The following PLA2G4B variants were observed in gnomAD, a reference collection of about 807,000 sequenced individuals.
The protein encoded by PLA2G4B is phospholipase A2 group IVB.
In PLA2G4B, 122 loss-of-function variants were observed where a neutral mutation model predicts 95.8. The observed-to-expected ratio is 1.27, with a 90% CI of 1.10 to 1.48. PLA2G4B has a LOEUF of 1.48. Ranked by LOEUF, PLA2G4B falls within the 40% of genes most tolerant of loss-of-function variation. The probability of loss-of-function intolerance (pLI) is 0.00; values close to 1 mark genes in which losing one functional copy is unlikely to be tolerated. For missense variants in PLA2G4B, 1,158 were observed against 996.2 expected, an observed-to-expected ratio of 1.16 and a Z score of -2.19; for synonymous variants, 518 against 421.5, an observed-to-expected ratio of 1.23 and a Z score of -2.80.
chr15:41,840,804 G>C lies in PLA2G4B; in HGVS notation c.250G>C (p.Asp84His), dbSNP rs752068370. 2 of 1,614,020 alleles carry C rather than the reference G, an allele frequency of 1.2e-6. No homozygotes were observed. The highest frequency in any genetic ancestry group is 2.2e-5 in the South Asian group (2 of 91,072). Residue 84 changes from aspartate to histidine, a missense_variant, in exon 4 of 20, where the codon GAC (aspartate) becomes CAC (histidine). Coordinates refer to ENST00000458483, the MANE Select transcript of PLA2G4B (RefSeq NM_001114633.2). ...CATGGAACTGAAAGTCTTTGACCAG[G>C]ACCTGGTGACCGGAGATGACCCTGT... ...NVMELKVFDQ[D>H]LVTGDDPVLS... is the part of the protein sequence containing the mutation.
At position 41,845,731 on chromosome 15, in the gene PLA2G4B, A is replaced by G; in HGVS notation, c.1451A>G (p.Gln484Arg). 6.2e-7 allele frequency: 1 copy of G among 1,611,930 alleles called. No homozygotes were observed. Among genetic ancestry groups the G allele is most frequent in the South Asian group, 1.1e-5 (1 of 90,816 alleles). The stretch of plus-strand genomic sequence containing the variant: ...TTTGGCTCCGAGTTCTTTATGGGGC[A>G]GCTGATGAAGAGGCTTCCTGAGTCC... ...ELFGSEFFMG[Q>R]LMKRLPESRI... The change falls in exon 15 of 20, where the codon CAG becomes CGG. Residue 484 changes from glutamine (Q) to arginine (R), a missense_variant. Transcript: ENST00000458483.
In PLA2G4B at chr15:41,847,517, G is replaced by GCCCCTGGTGAGCTGCTGTTCACCTC; in HGVS notation, c.2132_2134+22dup. On this transcript the variant is annotated frameshift_variant, in exon 19 of 20. Transcript: ENST00000458483. LOFTEE classifies it low-confidence loss of function (END_TRUNC). ...CAGCGACTCCTTCCGGGAGTACTCG[G>GCCCCTGGTGAGCTGCTGTTCACCTC]CCCCTGGTGAGCTGCTGTTCACCTC... The GCCCCTGGTGAGCTGCTGTTCACCTC allele has an allele frequency of 6.2e-7, 1 of 1,604,052 alleles. No homozygotes were observed. Among genetic ancestry groups the GCCCCTGGTGAGCTGCTGTTCACCTC allele is most frequent in the Non-Finnish European group, 8.5e-7 (1 of 1,172,776 alleles).
intron 12 of PLA2G4B, 37 bp downstream of exon 12, chr15:41,844,644 G>A: frequency 1.2e-6 from 2 of 1,613,118 alleles, no homozygotes; most frequent in Non-Finnish European, 1.7e-6. Flanking sequence ...ACCCTGTGTG[G>A]CAGGGGGTGC....
rs764570148 is a variant in PLA2G4B at position 41,846,695 on chromosome 15, C to T, written c.1807C>T (p.Gln603Ter). Residue 603 changes from glutamine (Q) to a stop codon, truncating the protein, a stop_gained, in exon 18 of 20, where the codon CAG becomes TAG. Coordinates refer to ENST00000458483, the MANE Select transcript of PLA2G4B (RefSeq NM_001114633.2). LOFTEE classifies it high-confidence loss of function. ...TACCACTCTGGATGGGCTCCCCAACCAGCTGACACCCTCGGAGCCCCACCT... is the reference window on the plus strand; with the variant it reads ...TACCACTCTGGATGGGCTCCCCAACTAGCTGACACCCTCGGAGCCCCACCT... ...KATTLDGLPN[Q>*]LTPSEPHLCL... 2 of 1,612,654 alleles carry T rather than the reference C, an allele frequency of 1.2e-6. No individual in the cohort carries two copies. Among genetic ancestry groups the T allele is most frequent in the Non-Finnish European group, 1.7e-6 (2 of 1,179,048 alleles).
At chr15:41,840,990 C>T in intron 4 of PLA2G4B, 65 bp from the exon 5 acceptor site, 1 of 1,576,296 alleles carries the variant, frequency 6.3e-7, no homozygotes, top group Non-Finnish European at 8.6e-7. Flanking sequence ...GCATGTCTCT[C>T]ATACTCACTG....
chr15:41,840,350 G>A (rs1217265353), intron 2 of PLA2G4B, 120 bp downstream of exon 2: 2 of 1,572,354 alleles, frequency 1.3e-6, no homozygotes, highest in Middle Eastern at 2.2e-4. Flanking sequence ...GCCTAGAGGA[G>A]GGAGCTGAGA....
intron 8 of PLA2G4B, 105 bp from the exon 9 acceptor site, chr15:41,842,088 C>T: frequency 6.4e-7 from 1 of 1,569,312 alleles, no homozygotes; most frequent in Non-Finnish European, 8.7e-7. Context: ...GCCTCCCCTT[C>T]CCGTCCCTCC....
At chr15:41,842,409 G>C (rs1333224606) in intron 9 of PLA2G4B, 133 bp downstream of exon 9, 1 of 1,544,224 alleles carries the variant, frequency 6.5e-7, no homozygotes, top group Non-Finnish European at 8.7e-7. Context: ...TCTTTGGGGA[G>C]TGTCCTCTGA....
At chr15:41,842,075 C>A in intron 8 of PLA2G4B, 118 bp from the exon 9 acceptor site, 1 of 1,562,326 alleles carries the variant, frequency 6.4e-7, no homozygotes, top group East Asian at 2.3e-5. Flanking sequence ...TGGGCCCATG[C>A]TGGCCTCCCC....
rs967989648 is a variant in PLA2G4B, at chr15:41,841,570, G to A, written c.489G>A (p.Lys163=). 1 of 1,614,042 alleles carries A rather than the reference G, an allele frequency of 6.2e-7. No individual in the cohort carries two copies. Reference sequence around the variant, plus strand: ...AACTGGAGGAGACAGGAGACCAGAAGTGTGAGTCCCCAACCCACTGGGACA... The same window carrying A: ...AACTGGAGGAGACAGGAGACCAGAAATGTGAGTCCCCAACCCACTGGGACA... ...HVQLEETGDQ[K]SSEHRVQLVV... is the part of the protein sequence containing the mutation. The change falls in exon 7 of 20, where the codon AAG becomes AAA. Residue 163 remains lysine (K), a splice_region_variant and synonymous_variant. Transcript: ENST00000458483.
In PLA2G4B at chr15:41,841,107, G is replaced by A; in HGVS notation, c.392+12G>A. 2 of 1,605,270 alleles carry A rather than the reference G, an allele frequency of 1.2e-6. No individual in the cohort carries two copies. Among genetic ancestry groups the A allele is most frequent in the South Asian group, 2.2e-5 (2 of 90,590 alleles). On this transcript the variant is annotated intron_variant, in intron 5 of 19. Transcript: ENST00000458483. ...CGCCTGCAGAGTCTGTGAGTCAGGG[G>A]CCTGGGGCAGTTTGGGTGGGAGTGC...
At position 41,845,660 on chromosome 15, in the gene PLA2G4B, C is replaced by G. The variant is rs748035686; in HGVS notation, c.1380C>G (p.Tyr460Ter). 6.2e-7 allele frequency: 1 copy of G among 1,614,122 alleles called. No homozygotes were observed. The highest frequency in any genetic ancestry group is 8.5e-7 in the Non-Finnish European group (1 of 1,180,004). ...EFGEWCEFSP[Y>*]EVGFPKYGAF... ...CAGAGTGGTGCGAGTTCTCTCCCTACGAGGTCGGCTTCCCCAAGTACGGGG... is the reference window on the plus strand; with the variant it reads ...CAGAGTGGTGCGAGTTCTCTCCCTAGGAGGTCGGCTTCCCCAAGTACGGGG... Residue 460 changes from tyrosine (Y) to a stop codon, truncating the protein, a stop_gained, in exon 15 of 20, where the codon TAC (tyrosine) becomes TAG (stop). Coordinates refer to ENST00000458483, the MANE Select transcript of PLA2G4B (RefSeq NM_001114633.2). LOFTEE classifies it high-confidence loss of function.
At position 41,841,508 on chromosome 15, in the gene PLA2G4B, A is replaced by C. The variant is rs750419450; in HGVS notation, c.436-9A>C. On this transcript the variant is annotated splice_polypyrimidine_tract_variant and intron_variant, in intron 6 of 19. Coordinates refer to ENST00000458483, the MANE Select transcript of PLA2G4B (RefSeq NM_001114633.2). ...GGTTAGTGTCTGAGGGGCTGTCTTCATGACTCAGGCCCGGGAGCTCTCCTG... is the reference window on the plus strand; with the variant it reads ...GGTTAGTGTCTGAGGGGCTGTCTTCCTGACTCAGGCCCGGGAGCTCTCCTG... The C allele has an allele frequency of 2.0e-5, 32 of 1,613,958 alleles. No individual in the cohort carries two copies. In the African/African-American group the frequency reaches 3.7e-4, roughly 19 times the overall value.
In PLA2G4B at chr15:41,843,707, G is replaced by C; in HGVS notation, c.775G>C (p.Gly259Arg). The C allele has an allele frequency of 3.1e-6, 5 of 1,613,848 alleles. No homozygotes were observed. Among genetic ancestry groups the C allele is most frequent in the Non-Finnish European group, 4.2e-6 (5 of 1,179,928 alleles). Residue 259 changes from glycine (G) to arginine (R), a missense_variant, in exon 11 of 20, where the codon GGG becomes CGG. Coordinates refer to ENST00000458483, the MANE Select transcript of PLA2G4B (RefSeq NM_001114633.2). ...GGAGCTGGCCGTGCGACTGGGCTTCGGGCCCTGTGCAGAGGAGCAGGCCTT... is the reference window on the plus strand; with the variant it reads ...GGAGCTGGCCGTGCGACTGGGCTTCCGGCCCTGTGCAGAGGAGCAGGCCTT... ...LRELAVRLGFGPCAEEQAFLS... is the reference protein window; with the variant it reads ...LRELAVRLGFRPCAEEQAFLS...
chr15:41,841,092 G>A lies in PLA2G4B; in HGVS notation c.389G>A (p.Ser130Asn). The change falls in exon 5 of 20, where the codon AGT (serine) becomes AAT (asparagine). Residue 130 changes from serine (S) to asparagine (N), a missense_variant. Transcript: ENST00000458483. ...CTGGAAGTTGAATTTCGCCTGCAGAGTCTGTGAGTCAGGGGCCTGGGGCAG... is the reference window on the plus strand; with the variant it reads ...CTGGAAGTTGAATTTCGCCTGCAGAATCTGTGAGTCAGGGGCCTGGGGCAG... ...GRLEVEFRLQ[S>N]LADRGEWLVS... The A allele has an allele frequency of 6.3e-7, 1 of 1,598,506 alleles. No homozygotes were observed. The highest frequency in any genetic ancestry group is 8.6e-7 in the Non-Finnish European group (1 of 1,169,404).
At position 41,842,254 on chromosome 15, in the gene PLA2G4B, G is replaced by T. The variant is rs145740135; in HGVS notation, c.683G>T (p.Arg228Met). ...GCCCTGCCCTCTGGTCAAGTGGTGA[G>T]GCTTGTCTTCCCCACGTCCCAGGTA... is the stretch of plus-strand genomic sequence containing the variant. ...LSALPSGQVV[R>M]LVFPTSQEPL... is the part of the protein sequence containing the mutation. Residue 228 changes from arginine (R) to methionine (M), a missense_variant, in exon 9 of 20, where the codon AGG becomes ATG. Physicochemically the swap from Arg to Met is moderately conservative, Grantham distance 91. Coordinates refer to ENST00000458483, the MANE Select transcript of PLA2G4B (RefSeq NM_001114633.2). 1,596 of 1,614,080 alleles carry T rather than the reference G, an allele frequency of 9.9e-4. 4 individuals are homozygous for T. Among genetic ancestry groups the T allele is most frequent in the Non-Finnish European group, 1.1e-3 (1,281 of 1,180,010 alleles).
rs775640207 is a variant in PLA2G4B at position 41,840,576 on chromosome 15, C to G, written c.135C>G (p.His45Gln). 71 of 1,613,884 alleles carry G rather than the reference C, an allele frequency of 4.4e-5. No homozygotes were observed. Among genetic ancestry groups the G allele is most frequent in the Non-Finnish European group, 5.9e-5 (70 of 1,180,030 alleles). ...TCTGGCTGCCCACGGCCTGCAGCCA[C>G]AGGCTCCAGACACGCACGGTCAAGA... ...VTLWLPTACS[H>Q]RLQTRTVKNS... Residue 45 changes from histidine to glutamine, a missense_variant, in exon 3 of 20, where the codon CAC (histidine) becomes CAG (glutamine). By Grantham distance (24) the His-to-Gln change is conservative. Transcript: ENST00000458483.
At position 41,842,469 on chromosome 15, in the gene PLA2G4B, G is replaced by T. The variant is rs1567170198; in HGVS notation, c.706-85G>T. 3.2e-6 allele frequency: 5 copies of T among 1,564,436 alleles called. No homozygotes were observed. In the South Asian group the frequency reaches 4.7e-5, roughly 15 times the overall value. On this transcript the variant is annotated intron_variant, in intron 9 of 19. Coordinates refer to ENST00000458483, the MANE Select transcript of PLA2G4B (RefSeq NM_001114633.2). ...CTGTGGAGACGGTGGCGGGGCGGGG[G>T]TGGTGCGCCGGGGATCAGGGTAAGA...
rs1460496986 is a variant in PLA2G4B at position 41,846,588 on chromosome 15, C to G, written c.1781-81C>G. 4.6e-6 allele frequency: 7 copies of G among 1,536,102 alleles called. No individual in the cohort carries two copies. In the East Asian group the frequency reaches 1.6e-4, roughly 35 times the overall value. On this transcript the variant is annotated intron_variant, in intron 17 of 19. Transcript: ENST00000458483. ...GTTGGTTCAGCAGGAGAGCAGGGAC[C>G]AGAGGCCAGAGTCTCTCCTTCCAGC...
Sources: gnomAD v4.1 joint callset for allele counts on GRCh38, gnomAD v4.1.1 for gene constraint, MANE v1.5 for transcripts, NCBI Gene and HGNC (gene_info 2026-07-23, HGNC 2026-07-21) for gene names.